Variants in SANBR observed in about 807,000 individuals in gnomAD.
SANBR encodes SANT and BTB domain regulator of class switch recombination.
SANBR carries 77 observed loss-of-function variants against 101.8 expected under a neutral mutation model. That is an observed-to-expected ratio of 0.76 (90% CI 0.63 to 0.91). The LOEUF (loss-of-function observed/expected upper bound fraction) is 0.91. SANBR is among the 40% of genes least tolerant of loss of function. The probability of loss-of-function intolerance (pLI) is 0.00; values close to 1 mark genes in which losing one functional copy is unlikely to be tolerated. For missense variants in SANBR, 875 were observed against 853.0 expected, an observed-to-expected ratio of 1.03 and a Z score of -0.32; for synonymous variants, 279 against 274.7, an observed-to-expected ratio of 1.02 and a Z score of -0.15.
chr2:61,116,361 C>T (rs1002591023), intron 17 of SANBR, among the ~76,000 whole-genome samples: 1 of 152,086 alleles, frequency 6.6e-6, no homozygotes. Flanking sequence ...TACATAAGAA[C>T]TCGATAAAAT....
At chr2:61,117,021 C>T in intron 17 of SANBR, 1 of 307,572 alleles carries the variant, frequency 3.3e-6, no homozygotes, top group East Asian at 7.7e-5. Context: ...CATGCCACTG[C>T]ACTCCAGCCT....
intron 2 of SANBR, 42 bp from the exon 3 acceptor site, chr2:61,070,300 A>C: frequency 7.0e-7 from 1 of 1,438,246 alleles, no homozygotes. Context: ...AAACATTTGG[A>C]TTTCGGGTTT....
Position 61,124,057 on chromosome 2 carries a change from G to A in SANBR, c.*1895G>A, listed in dbSNP as rs1464595299. 2 of 723,756 alleles carry A rather than the reference G, an allele frequency of 2.8e-6. No individual in the cohort carries two copies. Among genetic ancestry groups the A allele is most frequent in the African/African-American group, 3.8e-5 (2 of 52,158 alleles). 44.8% of individuals were successfully genotyped at this position (723,756 alleles called of 1,614,324 possible). On this transcript the variant is annotated 3_prime_UTR_variant, in exon 22 of 22. Coordinates refer to ENST00000402291, the MANE Select transcript of SANBR (RefSeq NM_001129993.3). ...TGCAGTGAGCTGAGATCATGTTTCT[G>A]CGCTCCTAGCCTGGGTGACAGAGCA...
At chr2:61,092,967 A>C (rs1473648297) in intron 11 of SANBR, among the ~76,000 whole-genome samples, 1 of 152,080 alleles carries the variant, frequency 6.6e-6, no homozygotes, top group Admixed American at 6.6e-5. Context: ...CCCCATCTCT[A>C]GTAAAAATAC....
chr2:61,097,891 A>T (rs1230812138), intron 12 of SANBR, 39 bp downstream of exon 12: 1 of 1,545,630 alleles, frequency 6.5e-7, no homozygotes, highest in Non-Finnish European at 8.9e-7. Flanking sequence ...TACAGTTTTT[A>T]AAGTATAACA....
At chr2:61,115,751 CAAAAAA>C (rs887564396) in intron 16 of SANBR, 1 of 306,294 alleles carries the variant, frequency 3.3e-6, no homozygotes, top group East Asian at 6.5e-5. Flanking sequence ...GACTCTGTCT[CAAAAAA>C]AAAGAAAAAG....
downstream of SANBR, chr2:61,124,315 A>G (rs888572318): frequency 5.4e-6 from 5 of 923,228 alleles, no homozygotes; most frequent in African/African-American, 8.9e-5. Context: ...GAATTATTCC[A>G]TCTTCTCAGA....
chr2:61,068,366 A>T (rs1292535711), intron 1 of SANBR, among the ~76,000 whole-genome samples: 1 of 152,240 alleles, frequency 6.6e-6, no homozygotes, highest in Non-Finnish European at 1.5e-5. Flanking sequence ...GCAGTGCTTT[A>T]CAGTTATTAA....
intron 15 of SANBR, 23 bp downstream of exon 15, chr2:61,108,372 C>T: frequency 6.7e-7 from 1 of 1,486,310 alleles, no homozygotes; most frequent in Non-Finnish European, 9.2e-7. Context: ...TTACAGTTAG[C>T]ATTCATGGAT....
chr2:61,103,378 A>G (rs578038235), intron 12 of SANBR, among the ~76,000 whole-genome samples: 3 of 152,218 alleles, frequency 2.0e-5, no homozygotes, highest in Non-Finnish European at 2.9e-5. Context: ...GGCTCAAGCA[A>G]TCCACACACC....
chr2:61,137,040 A>T (rs1385553553), intron 21 of SANBR, among the ~76,000 whole-genome samples: 1 of 152,028 alleles, frequency 6.6e-6, no homozygotes, highest in Non-Finnish European at 1.5e-5. Context: ...TAATCCCAAC[A>T]CTTTGGGAGA....
intron 6 of SANBR, among the ~76,000 whole-genome samples, chr2:61,080,196 C>CAAAAAAA (rs57117097): frequency 8.8e-6 from 1 of 113,244 alleles, no homozygotes. Flanking sequence ...AACTTTGTCT[C>CAAAAAAA]AAAAAAAAAA....
intron 20 of SANBR, among the ~76,000 whole-genome samples, chr2:61,120,723 T>TC (rs1353526778): frequency 6.6e-6 from 1 of 151,936 alleles, no homozygotes; most frequent in African/African-American, 2.4e-5. Context: ...AGATGCTGTC[T>TC]CCAAAAAAAA....
chr2:61,087,006 A>G (rs1430782128), intron 8 of SANBR, among the ~76,000 whole-genome samples: 2 of 152,212 alleles, frequency 1.3e-5, no homozygotes, highest in African/African-American at 2.4e-5. Context: ...AGACATACTT[A>G]GAAGACTCAA....
chr2:61,121,139 T>C (rs1684313554), intron 20 of SANBR, 46 bp from the exon 21 acceptor site: 2 of 1,279,852 alleles, frequency 1.6e-6, no homozygotes, highest in Admixed American at 4.3e-5. Flanking sequence ...AAGCAGAGCT[T>C]CTATTGATTC....
chr2:61,072,968 A>C (rs1681563500), intron 4 of SANBR, among the ~76,000 whole-genome samples: 1 of 151,410 alleles, frequency 6.6e-6, no homozygotes, highest in African/African-American at 2.4e-5. Flanking sequence ...CTGGAACTAC[A>C]CGTACATGCT....
chr2:61,083,704 C>T (rs1682268075), intron 8 of SANBR, among the ~76,000 whole-genome samples: 1 of 152,050 alleles, frequency 6.6e-6, no homozygotes, highest in Admixed American at 6.6e-5. Flanking sequence ...CCCGTCTCTA[C>T]TAAAAATACA....
chr2:61,080,641 A>T (rs1316470623), intron 6 of SANBR, among the ~76,000 whole-genome samples: 1 of 152,174 alleles, frequency 6.6e-6, no homozygotes, highest in Non-Finnish European at 1.5e-5. Context: ...GACTGTCATT[A>T]ACCCGGGAGG....
At chr2:61,120,124 A>G (rs887673164) in intron 20 of SANBR, among the ~76,000 whole-genome samples, 2 of 152,224 alleles carry the variant, frequency 1.3e-5, no homozygotes, top group Admixed American at 6.5e-5. Context: ...ACATTTTTAT[A>G]ATAGCTTTAT....
Sources: gnomAD v4.1 joint callset for allele counts (sites outside exome capture counted in the v4.1 genomes callset) on GRCh38, gnomAD v4.1.1 for gene constraint, MANE v1.5 for transcripts, NCBI Gene and HGNC (gene_info 2026-07-23, HGNC 2026-07-21) for gene names.